ZNF559: variants seen among roughly 807,000 people sequenced by gnomAD.
The protein encoded by ZNF559 is putative protein product of Nbla00121.
ZNF559 carries 17 observed loss-of-function variants against 14.2 expected under a neutral mutation model. The ratio of observed to expected loss-of-function variants is 1.20; its 90% confidence interval spans 0.82 to 1.80. ZNF559 has a LOEUF of 1.80. Ranked by LOEUF, ZNF559 falls within the 40% of genes most tolerant of loss-of-function variation. ZNF559 has a pLI of 0.00. For synonymous variants in ZNF559, 244 were observed against 212.4 expected (o/e 1.15, Z -1.29); for missense variants, 740 against 629.7 (o/e 1.18, Z -1.88).
chr19:9,341,538 G>A (rs1266880093), intron 6 of ZNF559, 157 bp from the exon 7 acceptor site: 1 of 1,338,464 alleles, frequency 7.5e-7, no homozygotes, highest in African/African-American at 1.5e-5. Flanking sequence ...AAAACACTCA[G>A]GTCTGAACCA....
intron 2 of ZNF559, among the ~76,000 whole-genome samples, chr19:9,329,498 T>C (rs1048013391): frequency 6.6e-6 from 1 of 152,074 alleles, no homozygotes; most frequent in Non-Finnish European, 1.5e-5. Flanking sequence ...GATCTTTGTC[T>C]CTTGTCACAA....
At chr19:9,330,568 T>C (rs1039634142) in intron 2 of ZNF559, among the ~76,000 whole-genome samples, 1 of 152,202 alleles carries the variant, frequency 6.6e-6, no homozygotes, top group Non-Finnish European at 1.5e-5. Context: ...TTCTTCTGTT[T>C]GATGATGTCT....
At chr19:9,325,168 G>A (rs2066511137) in intron 2 of ZNF559, among the ~76,000 whole-genome samples, 2 of 152,200 alleles carry the variant, frequency 1.3e-5, no homozygotes, top group African/African-American at 4.8e-5. Flanking sequence ...CTGAGGGCGG[G>A]GCAAGGTGGC....
chr19:9,332,564 T>TC (rs1280003514), intron 2 of ZNF559, among the ~76,000 whole-genome samples: 1 of 152,170 alleles, frequency 6.6e-6, no homozygotes, highest in Non-Finnish European at 1.5e-5. Flanking sequence ...TCCTGCCTTA[T>TC]CCCAGCCTTT....
At position 9,342,743 on chromosome 19, in the gene ZNF559, A is replaced by G; in HGVS notation, c.1292A>G (p.His431Arg). The change falls in exon 7 of 7, where the codon CAC (histidine) becomes CGC (arginine). Residue 431 changes from histidine (H) to arginine (R), a missense_variant. By Grantham distance (29) the His-to-Arg change is conservative. Transcript: ENST00000603380. ...TTTCTTATTCGACATTTGAGAAGTC[A>G]CAGTGCAGAAAGGCCTTTTGAATGT... is the stretch of plus-strand genomic sequence containing the variant. ...SSFLIRHLRS[H>R]SAERPFECEE... The G allele has an allele frequency of 1.2e-6, 2 of 1,614,210 alleles. No individual in the cohort carries two copies. The highest frequency in any genetic ancestry group is 1.6e-4 in the Middle Eastern group (1 of 6,062).
intron 2 of ZNF559, among the ~76,000 whole-genome samples, chr19:9,328,402 G>A (rs184628104): frequency 7.5e-4 from 92 of 122,748 alleles, no homozygotes; most frequent in Admixed American, 2.5e-3. Flanking sequence ...TGTCCAGGCT[G>A]TAGTGCAGTG....
At chr19:9,326,688 A>G (rs1467612715) in intron 2 of ZNF559, among the ~76,000 whole-genome samples, 1 of 152,200 alleles carries the variant, frequency 6.6e-6, no homozygotes, top group Non-Finnish European at 1.5e-5. Context: ...CCAGTTATCA[A>G]TATAAGTTTT....
At chr19:9,337,935 C>G (rs879252355) in intron 3 of ZNF559, 77 bp downstream of exon 3, 16 of 1,535,782 alleles carry the variant, frequency 1.0e-5, no homozygotes, top group South Asian at 2.4e-5. Context: ...GACAGTGTCT[C>G]GAAGAGACTT....
At chr19:9,334,906 C>T (rs933065189) in intron 2 of ZNF559, among the ~76,000 whole-genome samples, 7 of 151,626 alleles carry the variant, frequency 4.6e-5, no homozygotes, top group African/African-American at 1.7e-4. Context: ...AGGCTGAGGC[C>T]GGCGGATCAC....
Position 9,343,621 on chromosome 19 carries a change from T to C in ZNF559, c.*553T>C. On this transcript the variant is annotated 3_prime_UTR_variant, in exon 7 of 7. Transcript: ENST00000603380. Reference sequence around the variant, plus strand: ...CTTTGGGAACATGTCAAAGCACACATTGAGAAGTCCCATGAGTGAAAGAGA... The same window carrying C: ...CTTTGGGAACATGTCAAAGCACACACTGAGAAGTCCCATGAGTGAAAGAGA... The C allele has an allele frequency of 1.0e-6, 1 of 990,148 alleles. No homozygotes were observed. Among genetic ancestry groups the C allele is most frequent in the Non-Finnish European group, 1.2e-6 (1 of 832,542 alleles). 61.3% of individuals were successfully genotyped at this position (990,148 alleles called of 1,614,324 possible). A position where few individuals can be genotyped will look rare whatever the true frequency, so the allele number is the denominator to read the frequency against.
chr19:9,326,582 G>A (rs1052674136), intron 2 of ZNF559, among the ~76,000 whole-genome samples: 1 of 152,114 alleles, frequency 6.6e-6, no homozygotes, highest in East Asian at 1.9e-4. Flanking sequence ...TATAATGCAA[G>A]GCACAGATGT....
At chr19:9,327,881 C>T (rs1187098735) in intron 2 of ZNF559, among the ~76,000 whole-genome samples, 1 of 152,160 alleles carries the variant, frequency 6.6e-6, no homozygotes, top group African/African-American at 2.4e-5. Flanking sequence ...CTCTACTAAT[C>T]TGAGTGCAAA....
intron 5 of ZNF559, 59 bp downstream of exon 5, chr19:9,339,378 A>G: frequency 6.5e-7 from 1 of 1,544,500 alleles, no homozygotes; most frequent in East Asian, 2.3e-5. Flanking sequence ...TGTCTTAAGT[A>G]ACTATGTTCT....
intron 1 of ZNF559, 157 bp downstream of exon 1, chr19:9,324,385 CCT>C (rs1483705478): frequency 2.0e-6 from 3 of 1,483,398 alleles, no homozygotes; most frequent in Non-Finnish European, 1.8e-6. Flanking sequence ...CGCGGCCCCT[CCT>C]CTGAGAGCCA....
At chr19:9,327,601 A>C (rs1355550290) in intron 2 of ZNF559, among the ~76,000 whole-genome samples, 3 of 152,068 alleles carry the variant, frequency 2.0e-5, no homozygotes, top group African/African-American at 7.2e-5. Context: ...ACCTGTTTTT[A>C]CATTGAGAGG....
At chr19:9,335,495 A>T (rs1323302218) in intron 2 of ZNF559, among the ~76,000 whole-genome samples, 1 of 152,092 alleles carries the variant, frequency 6.6e-6, no homozygotes, top group Admixed American at 6.6e-5. Flanking sequence ...TAAAATAGAC[A>T]AACTTTTGCA....
At chr19:9,324,511 G>A (rs1453017633) in intron 1 of ZNF559, 184 bp from the exon 2 acceptor site, 1 of 1,314,976 alleles carries the variant, frequency 7.6e-7, no homozygotes, top group Non-Finnish European at 1.0e-6. Context: ...AGCCTCATAG[G>A]GCCCGGCGCG....
chr19:9,323,889 A>C, upstream of ZNF559: 1 of 515,442 alleles, frequency 1.9e-6, no homozygotes, highest in Non-Finnish European at 3.5e-6. Context: ...CACACTGTGG[A>C]GTATGCTTTC....
intron 2 of ZNF559, chr19:9,333,204 C>T (rs543309402): frequency 6.6e-6 from 1 of 152,314 alleles, no homozygotes; most frequent in East Asian, 1.9e-4. Flanking sequence ...AAGCAATCTA[C>T]CTACCTCAGC....
Sources: allele counts gnomAD v4.1 joint callset (sites outside exome capture counted in the v4.1 genomes callset), GRCh38; gene constraint gnomAD v4.1.1; transcripts MANE v1.5; gene names NCBI Gene and HGNC (gene_info 2026-07-23, HGNC 2026-07-21).